GPRC6A: variants seen among roughly 807,000 people sequenced by gnomAD.
GPRC6A encodes G protein-coupled receptor family C group 6 member A.
In GPRC6A, 54 loss-of-function variants were observed where a neutral mutation model predicts 47.0. That is an observed-to-expected ratio of 1.15 (90% CI 0.92 to 1.44). GPRC6A has a LOEUF of 1.44. GPRC6A is among the 40% of genes most tolerant of loss of function. The pLI is 0.00. For synonymous variants in GPRC6A, 347 were observed against 377.1 expected, an observed-to-expected ratio of 0.92 and a Z score of 0.93; for missense variants, 1,112 against 1,105.5, an observed-to-expected ratio of 1.01 and a Z score of -0.08.
At position 116,800,573 on chromosome 6, in the gene GPRC6A, A is replaced by G. The variant is rs1562479821; in HGVS notation, c.1548+11T>C. The G allele has an allele frequency of 1.2e-6, 2 of 1,600,016 alleles. No individual in the cohort carries two copies. Among genetic ancestry groups the G allele is most frequent in the Admixed American group, 1.7e-5 (1 of 59,930 alleles). ...CTTTGAGTGCTACAAAACGGCCTAC[A>G]ACAAGGTTACCTTAAGATTCCTGAA... On this transcript the variant is annotated intron_variant, in intron 4 of 5. Transcript: ENST00000310357.
chr6:116,824,132 C>T (rs1293307039), intron 1 of GPRC6A, among the ~76,000 whole-genome samples: 1 of 151,806 alleles, frequency 6.6e-6, no homozygotes, highest in Non-Finnish European at 1.5e-5. Context: ...TAGCAATGAA[C>T]ATCTACAACG....
chr6:116,818,165 A>C (rs1773297478), intron 1 of GPRC6A, among the ~76,000 whole-genome samples: 1 of 152,190 alleles, frequency 6.6e-6, no homozygotes, highest in South Asian at 2.1e-4. Context: ...GAAGCCCATC[A>C]GACTAACAGC....
Position 116,792,977 on chromosome 6 carries a change from A to G in GPRC6A, c.1946T>C (p.Phe649Ser). Residue 649 changes from phenylalanine to serine, a missense_variant, in exon 6 of 6, where the codon TTT (phenylalanine) becomes TCT (serine). By Grantham distance (155) the Phe-to-Ser change is radical (BLOSUM62 -2). Transcript: ENST00000310357. Reference sequence around the variant, plus strand: ...GAAGTCTTGTGGTTCTCCAATGAAAAAGCTCGTGCTGGCAAAATTGAGGAA... The same window carrying G: ...GAAGTCTTGTGGTTCTCCAATGAAAGAGCTCGTGCTGGCAAAATTGAGGAA... ...CHFLNFASTS[F>S]FIGEPQDFTC... The G allele has an allele frequency of 6.2e-7, 1 of 1,614,068 alleles. No individual in the cohort carries two copies.
chr6:116,818,553 A>G, intron 1 of GPRC6A, among the ~76,000 whole-genome samples: 1 of 132,784 alleles, frequency 7.5e-6, no homozygotes. Flanking sequence ...AAAAAAAAAA[A>G]AAAAAAAAAA....
At chr6:116,824,207 A>G (rs1352674856) in intron 1 of GPRC6A, among the ~76,000 whole-genome samples, 1 of 152,076 alleles carries the variant, frequency 6.6e-6, no homozygotes, top group Non-Finnish European at 1.5e-5. Flanking sequence ...GCAAAAAAAC[A>G]TAAAACCCAA....
intron 2 of GPRC6A, among the ~76,000 whole-genome samples, chr6:116,807,542 A>G (rs1173344130): frequency 5.9e-5 from 9 of 152,214 alleles, no homozygotes; most frequent in Admixed American, 4.6e-4. Context: ...GGTCCATCAT[A>G]TAAGCAAAAT....
Position 116,792,950 on chromosome 6 carries a change from G to A in GPRC6A, c.1973C>T (p.Thr658Ile), listed in dbSNP as rs888003366. 6 of 1,614,072 alleles carry A rather than the reference G, an allele frequency of 3.7e-6. No homozygotes were observed. Among genetic ancestry groups the A allele is most frequent in the Non-Finnish European group, 5.1e-6 (6 of 1,179,956 alleles). ...SFFIGEPQDF[T>I]CKTRQTMFGV... The stretch of plus-strand genomic sequence containing the variant: ...AAACATTGTCTGCCTGGTTTTACAT[G>A]TGAAGTCTTGTGGTTCTCCAATGAA... Residue 658 changes from threonine to isoleucine, a missense_variant, in exon 6 of 6, where the codon ACA becomes ATA. Thr to Ile is a moderately conservative substitution (Grantham distance 89, BLOSUM62 -1). Coordinates refer to ENST00000310357, the MANE Select transcript of GPRC6A (RefSeq NM_148963.4).
chr6:116,807,778 C>T (rs1454159529), intron 2 of GPRC6A, among the ~76,000 whole-genome samples: 2 of 152,018 alleles, frequency 1.3e-5, no homozygotes, highest in Non-Finnish European at 2.9e-5. Context: ...TATTTTTAGC[C>T]TGAAAGCTCA....
chr6:116,794,776 C>T (rs527700638), intron 5 of GPRC6A, among the ~76,000 whole-genome samples: 69 of 152,018 alleles, frequency 4.5e-4, no homozygotes, highest in African/African-American at 1.3e-3. Flanking sequence ...TACCAAGGAA[C>T]GGGAAAATTT....
chr6:116,810,829 C>T (rs996996343), intron 1 of GPRC6A, among the ~76,000 whole-genome samples: 2 of 152,004 alleles, frequency 1.3e-5, no homozygotes, highest in African/African-American at 4.8e-5. Flanking sequence ...TCATCATTGG[C>T]ACAACCAACA....
intron 3 of GPRC6A, among the ~76,000 whole-genome samples, chr6:116,804,626 C>T (rs1261363729): frequency 6.6e-6 from 1 of 152,054 alleles, no homozygotes. Flanking sequence ...TCTAGATTAA[C>T]AGGCTCTGAG....
At chr6:116,824,182 T>G (rs1056519486) in intron 1 of GPRC6A, among the ~76,000 whole-genome samples, 1 of 151,716 alleles carries the variant, frequency 6.6e-6, no homozygotes, top group African/African-American at 2.4e-5. Context: ...GAATGTATCT[T>G]AAGGAACTAG....
Position 116,806,597 on chromosome 6 carries a change from TGTCCTTGA to T in GPRC6A, c.1100_1107del (p.Val367AspfsTer2). ...TTGAATATGCATTGACTCAAATCAG[TGTCCTTGA>T]CATATGCGCAGGCAGATAAATGCAT... On this transcript the variant is annotated frameshift_variant, in exon 3 of 6. Transcript: ENST00000310357. LOFTEE classifies it high-confidence loss of function. 1 of 1,613,628 alleles carries T rather than the reference TGTCCTTGA, an allele frequency of 6.2e-7. No individual in the cohort carries two copies. Among genetic ancestry groups the T allele is most frequent in the Non-Finnish European group, 8.5e-7 (1 of 1,179,734 alleles).
At chr6:116,805,941 G>A (rs1383480174) in intron 3 of GPRC6A, among the ~76,000 whole-genome samples, 2 of 152,062 alleles carry the variant, frequency 1.3e-5, no homozygotes, top group African/African-American at 4.8e-5. Flanking sequence ...AAGGAAGGTG[G>A]AGTCAGAAGA....
At chr6:116,795,900 T>G (rs1772472660) in intron 4 of GPRC6A, 65 bp from the exon 5 acceptor site, 5 of 1,082,980 alleles carry the variant, frequency 4.6e-6, no homozygotes, top group East Asian at 2.6e-5. Context: ...TAATCGATTA[T>G]CCTCGGCTTA....
At chr6:116,822,752 C>A in intron 1 of GPRC6A, among the ~76,000 whole-genome samples, 1 of 149,678 alleles carries the variant, frequency 6.7e-6, no homozygotes. Flanking sequence ...GGAGATATAC[C>A]TAATGCTAGA....
At chr6:116,801,354 A>T (rs7754941) in intron 3 of GPRC6A, among the ~76,000 whole-genome samples, 37,694 of 152,138 alleles carry the variant, frequency 0.25, 5,178 homozygotes, top group Non-Finnish European at 0.31. Context: ...TAGAGTTAGG[A>T]CAAAAAATAT....
At chr6:116,796,066 A>G (rs1486846894) in intron 4 of GPRC6A, among the ~76,000 whole-genome samples, 3 of 152,144 alleles carry the variant, frequency 2.0e-5, no homozygotes, top group Non-Finnish European at 4.4e-5. Context: ...CTGTAAGCAA[A>G]TTATGGAAAT....
chr6:116,815,951 G>A (rs572194415), intron 1 of GPRC6A, among the ~76,000 whole-genome samples: 10 of 152,326 alleles, frequency 6.6e-5, no homozygotes, highest in African/African-American at 2.2e-4. Flanking sequence ...GCATAATGCT[G>A]GCATCTGCTC....
Sources: allele counts gnomAD v4.1 joint callset (sites outside exome capture counted in the v4.1 genomes callset), GRCh38; gene constraint gnomAD v4.1.1; transcripts MANE v1.5; gene names NCBI Gene and HGNC (gene_info 2026-07-23, HGNC 2026-07-21).